MEGF11: variants seen among roughly 807,000 people sequenced by gnomAD.
MEGF11 encodes multiple EGF like domains 11, also known as multiple epidermal growth factor-like domains protein 11.
A neutral mutation model predicts 146.6 loss-of-function variants in MEGF11; 126 were observed. The ratio of observed to expected loss-of-function variants is 0.86; its 90% CI spans 0.74 to 1.00. MEGF11 has a LOEUF of 1.00. Among genes scored for constraint, MEGF11 ranks in the 50% least tolerant of loss-of-function variants. MEGF11 has a pLI of 0.00. For synonymous variants in MEGF11, 532 were observed against 583.4 expected (o/e 0.91, Z 1.27); for missense variants, 1,509 against 1,521.2 (o/e 0.99, Z 0.13).
chr15:66,002,174 A>C (rs1048744358), intron 5 of MEGF11, among the ~76,000 whole-genome samples: 2 of 152,158 alleles, frequency 1.3e-5, no homozygotes, highest in Non-Finnish European at 2.9e-5. Flanking sequence ...CTGTTGCTTA[A>C]TGAGCTCATG....
intron 4 of MEGF11, among the ~76,000 whole-genome samples, chr15:66,110,650 C>G (rs908558624): frequency 3.3e-5 from 5 of 152,190 alleles, no homozygotes; most frequent in Non-Finnish European, 5.9e-5. Context: ...TTCTTCTAGG[C>G]AGCAAAGCTC....
intron 24 of MEGF11, among the ~76,000 whole-genome samples, chr15:65,904,772 G>T (rs547587284): frequency 1.1e-4 from 16 of 152,328 alleles, no homozygotes; most frequent in African/African-American, 3.6e-4. Flanking sequence ...CTCTAGATTT[G>T]CATCAGAGTT....
rs190772698 is a variant in MEGF11 at position 65,960,629 on chromosome 15, C to T, written c.1113-2908G>A. 6.3e-4 allele frequency among the ~76,000 whole-genome samples: 96 copies of T among 152,362 alleles called. 1 individual carries two copies. The highest frequency in any genetic ancestry group is 2.3e-3 in the African/African-American group (95 of 41,580). On this transcript the variant is annotated intron_variant, in intron 9 of 25. Coordinates refer to ENST00000395614, the MANE Select transcript of MEGF11 (RefSeq NM_001385028.1). Reference sequence around the variant, plus strand: ...TGACCTGGCAGGTCTTGGCTGCAGCCATCAGCTCTGCTGAGCACTGGAGAT... The same window carrying T: ...TGACCTGGCAGGTCTTGGCTGCAGCTATCAGCTCTGCTGAGCACTGGAGAT...
At chr15:66,204,016 G>A (rs1266361865) in intron 1 of MEGF11, among the ~76,000 whole-genome samples, 1 of 152,096 alleles carries the variant, frequency 6.6e-6, no homozygotes, top group African/African-American at 2.4e-5. Flanking sequence ...GCCAAGATGG[G>A]AGGATCACTT....
At chr15:65,913,436 G>A (rs2078880425) in intron 20 of MEGF11, 1 of 510,222 alleles carries the variant, frequency 2.0e-6, no homozygotes, top group Non-Finnish European at 3.6e-6. Flanking sequence ...GCTTAGGAAA[G>A]TGACTGGTTA....
intron 5 of MEGF11, among the ~76,000 whole-genome samples, chr15:66,037,224 T>C (rs1397021589): frequency 6.6e-6 from 1 of 152,202 alleles, no homozygotes; most frequent in East Asian, 1.9e-4. Flanking sequence ...AAGGCATCCC[T>C]GACTCTCCCA....
intron 2 of MEGF11, among the ~76,000 whole-genome samples, chr15:66,125,795 G>A (rs996414822): frequency 4.6e-5 from 7 of 152,306 alleles, no homozygotes; most frequent in African/African-American, 1.4e-4. Flanking sequence ...CCAACACACA[G>A]AATGGATTCC....
chr15:66,022,652 C>T (rs978800958), intron 5 of MEGF11, among the ~76,000 whole-genome samples: 4 of 151,954 alleles, frequency 2.6e-5, no homozygotes, highest in Non-Finnish European at 5.9e-5. Context: ...TAGTGAGATC[C>T]TATCTCCACA....
At chr15:66,037,213 G>A (rs2083758398) in intron 5 of MEGF11, among the ~76,000 whole-genome samples, 1 of 152,138 alleles carries the variant, frequency 6.6e-6, no homozygotes, top group African/African-American at 2.4e-5. Flanking sequence ...CCTGCTCTGG[G>A]AAGGCATCCC....
intron 4 of MEGF11, among the ~76,000 whole-genome samples, chr15:66,116,293 T>C (rs1350136263): frequency 6.6e-6 from 1 of 152,152 alleles, no homozygotes; most frequent in Non-Finnish European, 1.5e-5. Flanking sequence ...TAGTCCCGCC[T>C]TCCCGTCATG....
chr15:65,936,693 C>T (rs2079801698), intron 10 of MEGF11, among the ~76,000 whole-genome samples: 1 of 152,178 alleles, frequency 6.6e-6, no homozygotes, highest in African/African-American at 2.4e-5. Context: ...TCTGCCTCTC[C>T]CAGAGAGACT....
At chr15:66,152,086 G>A (rs967022225) in intron 1 of MEGF11, among the ~76,000 whole-genome samples, 12 of 152,148 alleles carry the variant, frequency 7.9e-5, no homozygotes, top group Admixed American at 3.9e-4. Context: ...TTCATTCCAG[G>A]AGCTCTAGCA....
intron 1 of MEGF11, among the ~76,000 whole-genome samples, chr15:66,160,506 GT>G (rs2089913936): frequency 6.6e-6 from 1 of 152,168 alleles, no homozygotes; most frequent in African/African-American, 2.4e-5. Context: ...ACTCTAGTTG[GT>G]GGGTTTTACT....
At chr15:65,908,756 G>C (rs1369483210) in intron 23 of MEGF11, among the ~76,000 whole-genome samples, 15 of 152,340 alleles carry the variant, frequency 9.8e-5, no homozygotes, top group Admixed American at 7.8e-4. Flanking sequence ...TTTGTGGCCT[G>C]TAGGGAGGGC....
At chr15:66,247,938 G>C (rs533256886) in intron 1 of MEGF11, among the ~76,000 whole-genome samples, 1 of 151,550 alleles carries the variant, frequency 6.6e-6, no homozygotes, top group South Asian at 2.1e-4. Context: ...GGGAGGCTGG[G>C]GCGAGATGGC....
chr15:66,062,935 T>C (rs962370836), intron 5 of MEGF11, among the ~76,000 whole-genome samples: 2 of 152,322 alleles, frequency 1.3e-5, no homozygotes, highest in Non-Finnish European at 2.9e-5. Flanking sequence ...TTGTTTTTAT[T>C]TGTGAAAGTG....
At chr15:66,187,566 G>A (rs2090743345) in intron 1 of MEGF11, among the ~76,000 whole-genome samples, 1 of 152,244 alleles carries the variant, frequency 6.6e-6, no homozygotes, top group South Asian at 2.1e-4. Flanking sequence ...AAGGCTCTGG[G>A]TGGAGTTGGT....
At chr15:65,925,301 G>T (rs532374222) in intron 13 of MEGF11, among the ~76,000 whole-genome samples, 3 of 152,220 alleles carry the variant, frequency 2.0e-5, no homozygotes, top group Non-Finnish European at 4.4e-5. Context: ...AACCATGAGT[G>T]TACCATGTTT....
At chr15:65,970,801 T>TCAGA in intron 7 of MEGF11, 112 bp from the exon 8 acceptor site, 1 of 1,280,528 alleles carries the variant, frequency 7.8e-7, no homozygotes. Context: ...CAGAAGAAGT[T>TCAGA]CAGACAGCTG....
Sources: gnomAD v4.1 joint callset for allele counts (sites outside exome capture counted in the v4.1 genomes callset) on GRCh38, gnomAD v4.1.1 for gene constraint, MANE v1.5 for transcripts, NCBI Gene and HGNC (gene_info 2026-07-23, HGNC 2026-07-21) for gene names.